TENM2: variants seen among roughly 807,000 people sequenced by gnomAD.
TENM2 encodes the protein teneurin-2.
A neutral mutation model predicts 245.2 loss-of-function variants in TENM2; 52 were observed. That is an observed-to-expected ratio of 0.21 (90% CI 0.17 to 0.27). TENM2 has a LOEUF of 0.27. Among genes scored for constraint, TENM2 ranks in the 10% least tolerant of loss-of-function variants. TENM2 has a pLI of 1.00. For synonymous variants in TENM2, 1,363 were observed against 1,438.9 expected (o/e 0.95, Z 1.19); for missense variants, 3,046 against 3,666.8 (o/e 0.83, Z 4.37).
chr5:168,002,868 C>G (rs778207716), intron 5 of TENM2, among the ~76,000 whole-genome samples: 1 of 152,200 alleles, frequency 6.6e-6, no homozygotes, highest in Non-Finnish European at 1.5e-5. Flanking sequence ...GCACTGTGTG[C>G]TGAAATCTGC....
At chr5:167,836,725 G>C (rs1769027051) in intron 2 of TENM2, among the ~76,000 whole-genome samples, 1 of 152,158 alleles carries the variant, frequency 6.6e-6, no homozygotes, top group African/African-American at 2.4e-5. Flanking sequence ...CATCAGAGAG[G>C]GGGGCAGAAT....
chr5:168,095,149 T>G (rs1238158507), intron 8 of TENM2, among the ~76,000 whole-genome samples: 1 of 152,146 alleles, frequency 6.6e-6, no homozygotes, highest in African/African-American at 2.4e-5. Flanking sequence ...AGTAAATGTG[T>G]GTGCTTGAAT....
intron 3 of TENM2, among the ~76,000 whole-genome samples, chr5:167,891,448 A>G (rs1774749620): frequency 6.6e-6 from 1 of 152,090 alleles, no homozygotes; most frequent in Admixed American, 6.6e-5. Context: ...GGACTTCTTA[A>G]CAAGTACATA....
chr5:167,796,636 G>T (rs563595112), intron 2 of TENM2, among the ~76,000 whole-genome samples: 1 of 151,914 alleles, frequency 6.6e-6, no homozygotes, highest in African/African-American at 2.4e-5. Context: ...GTGTGTGTGC[G>T]TGTGCAGAAT....
the TENM2 span, among the ~76,000 whole-genome samples, chr5:167,231,686 A>G: frequency 2.0e-5 from 3 of 152,226 alleles, no homozygotes; most frequent in Non-Finnish European, 2.9e-5. Flanking sequence ...AAAGTTCAAC[A>G]AATTGCAGCC....
At chr5:167,475,047 G>T (rs1013955105) in intron 2 of TENM2, among the ~76,000 whole-genome samples, 1 of 152,100 alleles carries the variant, frequency 6.6e-6, no homozygotes, top group Non-Finnish European at 1.5e-5. Flanking sequence ...AATAAAAATT[G>T]TCGGAGCTAA....
chr5:167,176,841 A>C, the TENM2 span, among the ~76,000 whole-genome samples: 1 of 152,230 alleles, frequency 6.6e-6, no homozygotes, highest in Non-Finnish European at 1.5e-5. Context: ...AAAATAAAGC[A>C]GTCTCTGTGT....
intron 5 of TENM2, among the ~76,000 whole-genome samples, chr5:168,046,744 T>C (rs1788643570): frequency 6.6e-6 from 1 of 152,160 alleles, no homozygotes; most frequent in South Asian, 2.1e-4. Flanking sequence ...GAAAGAATAG[T>C]AATGTTTTCA....
At chr5:167,013,708 AAAAT>A in the TENM2 span, among the ~76,000 whole-genome samples, 1 of 152,174 alleles carries the variant, frequency 6.6e-6, no homozygotes, top group South Asian at 2.1e-4. Flanking sequence ...CTCCGTCTCA[AAAAT>A]AAATAAAGAA....
intron 2 of TENM2, among the ~76,000 whole-genome samples, chr5:167,663,944 A>G (rs1463088979): frequency 6.6e-6 from 1 of 152,190 alleles, no homozygotes; most frequent in African/African-American, 2.4e-5. Context: ...AAATATTCAA[A>G]TATAGTTATA....
At chr5:168,018,898 G>A (rs1428774228) in intron 5 of TENM2, among the ~76,000 whole-genome samples, 1 of 152,134 alleles carries the variant, frequency 6.6e-6, no homozygotes, top group Admixed American at 6.5e-5. Flanking sequence ...AAATAGATGT[G>A]CACACTATCA....
At chr5:167,292,199 G>A (rs763851499) in intron 1 of TENM2, among the ~76,000 whole-genome samples, 11 of 152,156 alleles carry the variant, frequency 7.2e-5, no homozygotes, top group Non-Finnish European at 1.5e-4. Context: ...AGATTTGAGT[G>A]GGGACACAGC....
intron 1 of TENM2, 43 bp from the exon 4 acceptor site, chr5:167,375,155 A>G (rs1760671562): frequency 6.5e-7 from 1 of 1,531,308 alleles, no homozygotes. Flanking sequence ...TTTGTAAAGC[A>G]TCTCACAAAT....
intron 2 of TENM2, among the ~76,000 whole-genome samples, chr5:167,873,415 G>T (rs953820506): frequency 1.3e-5 from 2 of 152,126 alleles, no homozygotes; most frequent in Non-Finnish European, 2.9e-5. Flanking sequence ...AATGGTTAGA[G>T]GGTGAACTTT....
At chr5:167,442,561 AC>A (rs1383796134) in intron 2 of TENM2, among the ~76,000 whole-genome samples, 1 of 148,424 alleles carries the variant, frequency 6.7e-6, no homozygotes, top group Non-Finnish European at 1.5e-5. Flanking sequence ...GGAAAGTTGA[AC>A]TTTTCTTGCC....
chr5:167,381,638 T>G (rs1045277486), intron 2 of TENM2, among the ~76,000 whole-genome samples: 1 of 152,174 alleles, frequency 6.6e-6, no homozygotes, highest in Non-Finnish European at 1.5e-5. Flanking sequence ...TCTGGATAGA[T>G]TCCATGTCTT....
chr5:167,056,664 TGTG>T, the TENM2 span, among the ~76,000 whole-genome samples: 135 of 146,996 alleles, frequency 9.2e-4, no homozygotes, highest in African/African-American at 1.7e-3. Context: ...TAAATATATA[TGTG>T]CCATATATAT....
At chr5:167,896,630 T>G (rs1267997110) in intron 3 of TENM2, among the ~76,000 whole-genome samples, 1 of 152,164 alleles carries the variant, frequency 6.6e-6, no homozygotes, top group African/African-American at 2.4e-5. Context: ...GGTGGAAATG[T>G]GCCCTTATTA....
chr5:167,414,991 G>C (rs1026077038), intron 2 of TENM2, among the ~76,000 whole-genome samples: 1 of 152,052 alleles, frequency 6.6e-6, no homozygotes, highest in African/African-American at 2.4e-5. Flanking sequence ...TCCATCAGGC[G>C]GGTGGTAGCT....
Sources: gnomAD v4.1 joint callset for allele counts (sites outside exome capture counted in the v4.1 genomes callset) on GRCh38, gnomAD v4.1.1 for gene constraint, MANE v1.5 for transcripts, NCBI Gene and HGNC (gene_info 2026-07-23, HGNC 2026-07-21) for gene names.